LRRC4C: variants seen among roughly 807,000 people sequenced by gnomAD.
LRRC4C encodes leucine-rich repeat-containing protein 4C.
LRRC4C carries 5 observed loss-of-function variants against 33.6 expected under a neutral mutation model. The ratio of observed to expected loss-of-function variants is 0.15; its 90% confidence interval spans 0.08 to 0.31. The LOEUF is 0.31. LRRC4C is among the 10% of genes least tolerant of loss of function. The probability of loss-of-function intolerance (pLI) is 1.00; values close to 1 mark genes in which losing one functional copy is unlikely to be tolerated. For synonymous variants in LRRC4C, 329 were observed against 302.0 expected (o/e 1.09, Z -0.93); for missense variants, 560 against 796.7 (o/e 0.70, Z 3.58).
At chr11:41,345,365 T>A (rs993579210) in intron 1 of LRRC4C, among the ~76,000 whole-genome samples, 4 of 152,182 alleles carry the variant, frequency 2.6e-5, no homozygotes, top group Non-Finnish European at 4.4e-5. Context: ...TACTGTATTT[T>A]AAAAAATAAA....
rs1485217467 is a variant in LRRC4C at position 40,856,689 on chromosome 11, T to C, written c.-407+76946A>G. Among the ~76,000 whole-genome samples the C allele has an allele frequency of 3.9e-5, 6 of 152,322 alleles. No homozygotes were observed. In the East Asian group the frequency reaches 1.2e-3, roughly 29 times the overall value. ...AGTAAACAAAATAAAACACAAACAA[T>C]ATTTCTTAATTGATTCAGATGTTTC... On this transcript the variant is annotated intron_variant, in intron 2 of 6. Transcript: ENST00000528697.
rs117313447 is a variant in LRRC4C, at chr11:41,027,706, A to C, written c.-495-93983T>G. 4.5e-3 allele frequency among the ~76,000 whole-genome samples: 680 copies of C among 151,836 alleles called. 2 individuals carry two copies. Among genetic ancestry groups the C allele is most frequent in the Admixed American group, 8.2e-3 (124 of 15,200 alleles). On this transcript the variant is annotated intron_variant, in intron 1 of 6. Transcript: ENST00000528697. Reference sequence around the variant, plus strand: ...GGAATAGTCTAGGCAATTTTCCTAAAGACAGAGTAATAGAATATTGATAAC... The same window carrying C: ...GGAATAGTCTAGGCAATTTTCCTAACGACAGAGTAATAGAATATTGATAAC...
chr11:41,131,703 C>T (rs1943020850), intron 1 of LRRC4C, among the ~76,000 whole-genome samples: 1 of 152,068 alleles, frequency 6.6e-6, no homozygotes, highest in Non-Finnish European at 1.5e-5. Flanking sequence ...AGACAAAAGT[C>T]ACAAAGACCC....
intron 1 of LRRC4C, among the ~76,000 whole-genome samples, chr11:41,254,233 G>A (rs1027681107): frequency 6.6e-6 from 1 of 152,014 alleles, no homozygotes; most frequent in African/African-American, 2.4e-5. Context: ...TAGTACATGT[G>A]CCTGGTTTGT....
At chr11:41,162,123 G>T (rs746245066) in intron 1 of LRRC4C, among the ~76,000 whole-genome samples, 7 of 151,962 alleles carry the variant, frequency 4.6e-5, no homozygotes, top group Non-Finnish European at 7.4e-5. Flanking sequence ...TTCTTCTTTT[G>T]CCCAGGTAGC....
At chr11:40,975,957 C>A (rs1358306591) in intron 1 of LRRC4C, among the ~76,000 whole-genome samples, 1 of 152,116 alleles carries the variant, frequency 6.6e-6, no homozygotes, top group Non-Finnish European at 1.5e-5. Context: ...TCAGGCATAG[C>A]CTTAGTTTCA....
At chr11:41,220,273 G>A (rs1947243829) in intron 1 of LRRC4C, among the ~76,000 whole-genome samples, 1 of 151,926 alleles carries the variant, frequency 6.6e-6, no homozygotes, top group African/African-American at 2.4e-5. Context: ...TTTTCTTTCT[G>A]TCAATGAGGA....
chr11:40,480,378 T>A (rs889200277), intron 3 of LRRC4C, among the ~76,000 whole-genome samples: 21 of 151,516 alleles, frequency 1.4e-4, no homozygotes, highest in South Asian at 1.0e-3. Flanking sequence ...AATAAATAAA[T>A]AAATAAAACA....
At chr11:41,290,930 C>A (rs117751614) in intron 1 of LRRC4C, among the ~76,000 whole-genome samples, 1 of 152,046 alleles carries the variant, frequency 6.6e-6, no homozygotes, top group African/African-American at 2.4e-5. Context: ...TCTTAAGTGA[C>A]GAGGGATGTG....
intron 5 of LRRC4C, among the ~76,000 whole-genome samples, chr11:40,226,570 G>A (rs973355713): frequency 6.6e-6 from 1 of 152,144 alleles, no homozygotes; most frequent in Non-Finnish European, 1.5e-5. Flanking sequence ...CTTGAAAGTG[G>A]TCTGAGGCCA....
intron 1 of LRRC4C, among the ~76,000 whole-genome samples, chr11:41,079,380 A>G (rs1939392529): frequency 6.6e-6 from 1 of 152,164 alleles, no homozygotes. Context: ...ATGGGAAGAG[A>G]TGTGATGTAA....
At chr11:40,142,946 G>GCATTCATT (rs35026678) in intron 5 of LRRC4C, among the ~76,000 whole-genome samples, 3 of 151,854 alleles carry the variant, frequency 2.0e-5, no homozygotes, top group Non-Finnish European at 2.9e-5. Flanking sequence ...AATGGCAGTT[G>GCATTCATT]CATTCATTCA....
At chr11:40,395,832 C>G (rs1470648885) in intron 3 of LRRC4C, among the ~76,000 whole-genome samples, 1 of 151,936 alleles carries the variant, frequency 6.6e-6, no homozygotes, top group Non-Finnish European at 1.5e-5. Flanking sequence ...ACTAAAAATA[C>G]AAAAATTAGC....
chr11:41,277,087 T>C (rs1949508842), intron 1 of LRRC4C, among the ~76,000 whole-genome samples: 1 of 152,212 alleles, frequency 6.6e-6, no homozygotes, highest in Non-Finnish European at 1.5e-5. Context: ...CACCACTGTA[T>C]CCACAGCATC....
chr11:40,589,910 A>AT (rs1253891989), intron 3 of LRRC4C, among the ~76,000 whole-genome samples: 2 of 148,882 alleles, frequency 1.3e-5, no homozygotes, highest in Non-Finnish European at 3.0e-5. Flanking sequence ...TGCCCTTAAC[A>AT]TTTTTTCCTT....
intron 2 of LRRC4C, among the ~76,000 whole-genome samples, chr11:40,765,629 A>T (rs1949415059): frequency 6.6e-6 from 1 of 152,118 alleles, no homozygotes; most frequent in Non-Finnish European, 1.5e-5. Context: ...CAAAGTGATT[A>T]GAAAAATTTT....
At chr11:40,481,420 C>T (rs116411891) in intron 3 of LRRC4C, among the ~76,000 whole-genome samples, 2,523 of 152,158 alleles carry the variant, frequency 0.017, 80 homozygotes, top group African/African-American at 0.057. Context: ...AAATATAACA[C>T]TATTTCAGTG....
intron 2 of LRRC4C, among the ~76,000 whole-genome samples, chr11:40,892,134 C>CAAAA (rs58855313): frequency 1.1e-4 from 12 of 113,930 alleles, no homozygotes; most frequent in East Asian, 7.4e-4. Flanking sequence ...GATTGTGTCT[C>CAAAA]AAAAAAAAAA....
intron 3 of LRRC4C, among the ~76,000 whole-genome samples, chr11:40,358,283 C>CT (rs1013857355): frequency 6.6e-6 from 1 of 151,862 alleles, no homozygotes; most frequent in African/African-American, 2.4e-5. Context: ...CCCCAAACTC[C>CT]TTTTTTTGAG....
Sources: allele counts gnomAD v4.1 joint callset (sites outside exome capture counted in the v4.1 genomes callset), GRCh38; gene constraint gnomAD v4.1.1; transcripts MANE v1.5; gene names NCBI Gene and HGNC (gene_info 2026-07-23, HGNC 2026-07-21).